The following DUSP22 variants were observed in gnomAD, a reference collection of about 807,000 sequenced individuals.
The protein encoded by DUSP22 is dual specificity phosphatase 22.
A neutral mutation model predicts 24.5 loss-of-function variants in DUSP22; 24 were observed. That is an observed-to-expected ratio of 0.98 (90% CI 0.71 to 1.38). The LOEUF (loss-of-function observed/expected upper bound fraction) is 1.38, where lower values mean the gene tolerates loss of function less well. DUSP22 is among the 40% of genes most tolerant of loss of function. The pLI is 0.00. For synonymous variants in DUSP22, 160 were observed against 106.4 expected (o/e 1.50, Z -3.10); for missense variants, 330 against 269.2 (o/e 1.23, Z -1.58).
chr6:345,731 T>C lies in DUSP22; in HGVS notation c.189-123T>C, dbSNP rs1250227127. 6 of 1,193,002 alleles carry C rather than the reference T, an allele frequency of 5.0e-6. No homozygotes were observed. The Admixed American group carries it at 1.3e-4, about 27-fold the overall frequency. The allele number at this position is 1,193,002 out of a possible 1,614,324, so 73.9% of individuals were successfully genotyped here. ...ACTGTAGCCCATAAATATGTAGAAT[T>C]ATGTGTCAATTATACAAAAAAATCA... On this transcript the variant is annotated intron_variant, in intron 4 of 6. Coordinates refer to ENST00000419235, the MANE Select transcript of DUSP22 (RefSeq NM_001286555.3).
chr6:299,152 T>G (rs1314804267), intron 1 of DUSP22, among the ~76,000 whole-genome samples: 1 of 152,308 alleles, frequency 6.6e-6, no homozygotes, highest in African/African-American at 2.4e-5. Flanking sequence ...ACAGGCTTTT[T>G]TTTCCAACTT....
intron 2 of DUSP22, among the ~76,000 whole-genome samples, chr6:309,319 A>G (rs551152652): frequency 1.3e-5 from 2 of 152,414 alleles, no homozygotes; most frequent in Admixed American, 1.3e-4. Context: ...TTCCTCGTAT[A>G]AAAAGGTTTT....
chr6:302,788 C>G (rs982460046), intron 1 of DUSP22, among the ~76,000 whole-genome samples: 2 of 152,300 alleles, frequency 1.3e-5, no homozygotes, highest in South Asian at 2.1e-4. Context: ...AAGGAAGACT[C>G]TATTCGAGAC....
At position 348,952 on chromosome 6, in the gene DUSP22, C is replaced by T. The variant is rs113449959; in HGVS notation, c.*1C>T. On this transcript the variant is annotated 3_prime_UTR_variant, in exon 7 of 7. Transcript: ENST00000419235. Reference sequence around the variant, plus strand: ...CGATAATTATACGACGGAGACCTAACGCAAGCGACCTGCTGCCTTCCTTCC... The same window carrying T: ...CGATAATTATACGACGGAGACCTAATGCAAGCGACCTGCTGCCTTCCTTCC... 239 of 1,583,044 alleles carry T rather than the reference C, an allele frequency of 1.5e-4. No individual in the cohort carries two copies. The African/African-American group carries it at 2.1e-3, about 14-fold the overall frequency.
chr6:329,979 G>A (rs971439725), intron 3 of DUSP22, among the ~76,000 whole-genome samples: 11 of 152,218 alleles, frequency 7.2e-5, no homozygotes, highest in Non-Finnish European at 1.2e-4. Context: ...TTGAGAGTTC[G>A]CTGGCTGGTT....
intron 3 of DUSP22, chr6:325,460 T>G (rs1259341806): frequency 9.1e-6 from 2 of 220,212 alleles, no homozygotes; most frequent in Admixed American, 1.4e-4. Context: ...TGCCCTGGGC[T>G]TCCGTATCCT....
intron 3 of DUSP22, among the ~76,000 whole-genome samples, chr6:329,805 G>A (rs1444822748): frequency 6.6e-6 from 1 of 152,308 alleles, no homozygotes; most frequent in African/African-American, 2.4e-5. Flanking sequence ...GAGAGAGGCT[G>A]TCTCCAATGA....
intron 2 of DUSP22, among the ~76,000 whole-genome samples, chr6:306,025 A>C (rs1192651179): frequency 6.6e-6 from 1 of 152,308 alleles, no homozygotes; most frequent in African/African-American, 2.4e-5. Flanking sequence ...CAGAGAGCTG[A>C]CAGCTGCTAA....
Position 310,196 on chromosome 6 carries a change from G to A in DUSP22, c.56-1684G>A, listed in dbSNP as rs528976401. ...GGCTGGTCTCACACTCCTGACCTCA[G>A]GTGATTGGCCCGTCGCGGCCTCCCA... On this transcript the variant is annotated intron_variant, in intron 2 of 6. Transcript: ENST00000419235. 3.9e-5 allele frequency among the ~76,000 whole-genome samples: 6 copies of A among 152,422 alleles called. No homozygotes were observed. In the East Asian group the frequency reaches 1.2e-3, roughly 29 times the overall value.
At chr6:329,906 T>TGGCTTG (rs2127409879) in intron 3 of DUSP22, among the ~76,000 whole-genome samples, 1 of 152,410 alleles carries the variant, frequency 6.6e-6, no homozygotes, top group Non-Finnish European at 1.5e-5. Flanking sequence ...AATTTAAATT[T>TGGCTTG]GGCTTTTAAT....
intron 2 of DUSP22, among the ~76,000 whole-genome samples, chr6:310,073 A>C (rs1422279489): frequency 6.6e-6 from 1 of 152,268 alleles, no homozygotes; most frequent in Non-Finnish European, 1.5e-5. Context: ...CGATTCTCCT[A>C]CCTCAGCCTC....
chr6:319,637 G>A (rs991464287), intron 3 of DUSP22, among the ~76,000 whole-genome samples: 4 of 152,306 alleles, frequency 2.6e-5, no homozygotes, highest in African/African-American at 4.8e-5. Flanking sequence ...TGTTTCCAGC[G>A]TGGGTGAATT....
chr6:322,078 A>G (rs1193951827), intron 3 of DUSP22, among the ~76,000 whole-genome samples: 1 of 152,288 alleles, frequency 6.6e-6, no homozygotes, highest in Non-Finnish European at 1.5e-5. Flanking sequence ...TATGCATATC[A>G]TCTACATAGT....
intron 4 of DUSP22, among the ~76,000 whole-genome samples, chr6:344,439 C>G (rs536816249): frequency 6.6e-6 from 1 of 152,410 alleles, no homozygotes; most frequent in African/African-American, 2.4e-5. Context: ...GCATGCACCA[C>G]CACACCCAGC....
chr6:348,908 C>A lies in DUSP22; in HGVS notation c.575C>A (p.Ala192Glu). 1 of 1,613,176 alleles carries A rather than the reference C, an allele frequency of 6.2e-7. No individual in the cohort carries two copies. The highest frequency in any genetic ancestry group is 8.5e-7 in the Non-Finnish European group (1 of 1,179,448). The part of the protein sequence containing the change: ...PGARRWSSFP[A>E]LAPLTYDNYT... ...GCCAGGCGGTGGAGCAGTTTTCCGG[C>A]ACTGGCTCCGCTGACCTACGATAAT... is the stretch of plus-strand genomic sequence containing the variant. Residue 192 changes from alanine to glutamate, a missense_variant, in exon 7 of 7, where the codon GCA (alanine) becomes GAA (glutamate). Ala to Glu is a moderately radical substitution (Grantham distance 107, BLOSUM62 -1). Transcript: ENST00000419235.
At chr6:320,870 AC>A (rs2127403659) in intron 3 of DUSP22, among the ~76,000 whole-genome samples, 1 of 152,378 alleles carries the variant, frequency 6.6e-6, no homozygotes, top group South Asian at 2.1e-4. Flanking sequence ...GGAAGTTGTT[AC>A]TCCTCCAGAC....
rs1259138049 is a variant in DUSP22 at position 292,522 on chromosome 6, C to G, written c.-18C>G. On this transcript the variant is annotated 5_prime_UTR_variant, in exon 1 of 7. Coordinates refer to ENST00000419235, the MANE Select transcript of DUSP22 (RefSeq NM_001286555.3). The stretch of plus-strand genomic sequence containing the variant: ...TGCGACCACACGGCCGGGGCGCTAG[C>G]GTTCGCCTTCAGCCACCATGGGGAA... 6 of 1,605,158 alleles carry G rather than the reference C, an allele frequency of 3.7e-6. No homozygotes were observed. The highest frequency in any genetic ancestry group is 4.3e-6 in the Non-Finnish European group (5 of 1,175,902).
At chr6:311,985 G>T (rs2127398225) in intron 3 of DUSP22, 23 bp downstream of exon 3, 1 of 1,603,526 alleles carries the variant, frequency 6.2e-7, no homozygotes. Flanking sequence ...CGTGGGGCGT[G>T]TGTGGGTGTC....
At chr6:317,251 C>T (rs1758375258) in intron 3 of DUSP22, among the ~76,000 whole-genome samples, 1 of 152,310 alleles carries the variant, frequency 6.6e-6, no homozygotes, top group African/African-American at 2.4e-5. Context: ...CGGGTCAGTG[C>T]CCAGCGGCCA....
Sources: allele counts gnomAD v4.1 joint callset (sites outside exome capture counted in the v4.1 genomes callset), GRCh38; gene constraint gnomAD v4.1.1; transcripts MANE v1.5; gene names NCBI Gene and HGNC (gene_info 2026-07-23, HGNC 2026-07-21).